Variants in VPS13B observed in about 807,000 individuals in gnomAD.
VPS13B encodes the protein vacuolar protein sorting 13 homolog B.
In VPS13B, 285 loss-of-function variants were observed where a neutral mutation model predicts 426.4. That is an observed-to-expected ratio of 0.67 (90% CI 0.61 to 0.74). The LOEUF (loss-of-function observed/expected upper bound fraction) is 0.74. Among genes scored for constraint, VPS13B ranks in the 30% least tolerant of loss-of-function variants. The pLI, the probability that VPS13B is intolerant of heterozygous loss-of-function variation, is 0.00. For missense variants in VPS13B, 4,537 were observed against 4,782.6 expected (o/e 0.95, Z 1.51); for synonymous variants, 1,676 against 1,676.4 (o/e 1.00, Z 0.01).
chr8:99,226,881 A>G (rs1358352888), intron 17 of VPS13B, among the ~76,000 whole-genome samples: 1 of 152,238 alleles, frequency 6.6e-6, no homozygotes, highest in East Asian at 1.9e-4. Context: ...TCATTTCTAT[A>G]TGTTGAGAAC....
intron 19 of VPS13B, among the ~76,000 whole-genome samples, chr8:99,309,645 G>A (rs1820843089): frequency 1.3e-5 from 2 of 152,134 alleles, no homozygotes; most frequent in South Asian, 2.1e-4. Context: ...TTTTTGCCAA[G>A]GACCGTCTTG....
At chr8:99,862,703 G>T (rs1816899434) in intron 58 of VPS13B, among the ~76,000 whole-genome samples, 1 of 152,202 alleles carries the variant, frequency 6.6e-6, no homozygotes, top group African/African-American at 2.4e-5. Context: ...ACCCAAAGCA[G>T]TGCAGAGCAA....
chr8:99,203,357 G>A (rs1002281204), intron 17 of VPS13B, among the ~76,000 whole-genome samples: 1 of 152,040 alleles, frequency 6.6e-6, no homozygotes, highest in Non-Finnish European at 1.5e-5. Flanking sequence ...TTGATGGAAC[G>A]TATCTCAAAA....
At chr8:99,453,782 A>G (rs1471963857) in intron 23 of VPS13B, among the ~76,000 whole-genome samples, 1 of 152,146 alleles carries the variant, frequency 6.6e-6, no homozygotes, top group Non-Finnish European at 1.5e-5. Flanking sequence ...GGAGACAGAA[A>G]TAGTTCATAT....
intron 21 of VPS13B, among the ~76,000 whole-genome samples, chr8:99,406,363 A>T (rs938227274): frequency 6.6e-6 from 1 of 152,156 alleles, no homozygotes; most frequent in African/African-American, 2.4e-5. Context: ...GCATGAATGA[A>T]TTAACCTTTT....
chr8:99,669,081 C>G (rs1003518864), intron 35 of VPS13B, among the ~76,000 whole-genome samples: 1 of 151,994 alleles, frequency 6.6e-6, no homozygotes, highest in Admixed American at 6.6e-5. Context: ...GCACAGTTAG[C>G]CTATAGAAAA....
At chr8:99,138,195 C>G (rs934438092) in intron 12 of VPS13B, among the ~76,000 whole-genome samples, 1 of 152,150 alleles carries the variant, frequency 6.6e-6, no homozygotes, top group African/African-American at 2.4e-5. Flanking sequence ...GTCATGATCT[C>G]GGCTCACTGC....
At chr8:99,517,899 A>G (rs1588456200) in intron 29 of VPS13B, among the ~76,000 whole-genome samples, 1 of 152,210 alleles carries the variant, frequency 6.6e-6, no homozygotes, top group Non-Finnish European at 1.5e-5. Context: ...AGGCACTTTC[A>G]TGTATAAATA....
intron 17 of VPS13B, among the ~76,000 whole-genome samples, chr8:99,257,585 C>T (rs753012525): frequency 2.6e-4 from 39 of 147,470 alleles, no homozygotes; most frequent in Non-Finnish European, 3.8e-4. Context: ...CACACACACA[C>T]GATGTTTAAA....
At chr8:99,497,571 G>A (rs1464896117) in intron 25 of VPS13B, among the ~76,000 whole-genome samples, 2 of 151,832 alleles carry the variant, frequency 1.3e-5, no homozygotes, top group Non-Finnish European at 2.9e-5. Flanking sequence ...TAAGCATGAA[G>A]TGGTTCCTTT....
chr8:99,389,186 G>A (rs1160781032), intron 20 of VPS13B, among the ~76,000 whole-genome samples: 1 of 151,878 alleles, frequency 6.6e-6, no homozygotes, highest in East Asian at 1.9e-4. Flanking sequence ...AGCTTTAGCT[G>A]CCCAAAGGTA....
intron 33 of VPS13B, among the ~76,000 whole-genome samples, chr8:99,614,272 C>CATAT (rs59449690): frequency 6.8e-6 from 1 of 147,892 alleles, no homozygotes; most frequent in South Asian, 2.1e-4. Flanking sequence ...CACACACACA[C>CATAT]ATATATATAT....
intron 23 of VPS13B, among the ~76,000 whole-genome samples, chr8:99,453,997 C>T (rs1818329253): frequency 6.6e-6 from 1 of 152,028 alleles, no homozygotes; most frequent in Non-Finnish European, 1.5e-5. Flanking sequence ...TTTACTGCCC[C>T]CAAAACCTTC....
At chr8:99,072,446 C>G (rs1415229999) in intron 3 of VPS13B, among the ~76,000 whole-genome samples, 1 of 152,058 alleles carries the variant, frequency 6.6e-6, no homozygotes, top group East Asian at 1.9e-4. Flanking sequence ...TGAGGGCATC[C>G]AAGTTGCATG....
At chr8:99,140,345 G>A (rs979511244) in intron 12 of VPS13B, among the ~76,000 whole-genome samples, 5 of 138,192 alleles carry the variant, frequency 3.6e-5, no homozygotes, top group African/African-American at 1.4e-4. Context: ...AGCAGCCTGG[G>A]CAATAAGAGT....
At chr8:99,243,856 C>T (rs1287030828) in intron 17 of VPS13B, among the ~76,000 whole-genome samples, 1 of 152,212 alleles carries the variant, frequency 6.6e-6, no homozygotes, top group African/African-American at 2.4e-5. Flanking sequence ...CTTCAAATTG[C>T]TCACTTTATC....
intron 31 of VPS13B, among the ~76,000 whole-genome samples, chr8:99,567,802 T>C (rs571428172): frequency 1.3e-5 from 2 of 152,342 alleles, no homozygotes; most frequent in East Asian, 3.9e-4. Context: ...AACAACATTA[T>C]GTATCCATTT....
chr8:99,462,344 AC>A (rs1818886123), intron 23 of VPS13B, among the ~76,000 whole-genome samples: 1 of 152,080 alleles, frequency 6.6e-6, no homozygotes, highest in Admixed American at 6.6e-5. Context: ...ATCGATTAGA[AC>A]TTTTTTTTTA....
At chr8:99,194,222 T>C (rs1813762338) in intron 17 of VPS13B, among the ~76,000 whole-genome samples, 2 of 152,316 alleles carry the variant, frequency 1.3e-5, no homozygotes, top group South Asian at 4.2e-4. Context: ...TGCAGTAGGC[T>C]AGAGGTTCTT....
Sources: gnomAD v4.1 joint callset for allele counts (sites outside exome capture counted in the v4.1 genomes callset) on GRCh38, gnomAD v4.1.1 for gene constraint, MANE v1.5 for transcripts, NCBI Gene and HGNC (gene_info 2026-07-23, HGNC 2026-07-21) for gene names.